The following DNAH14 variants were observed in gnomAD, a reference collection of about 807,000 sequenced individuals.
DNAH14 encodes axonemal beta dynein heavy chain 14.
A neutral mutation model predicts 520.9 loss-of-function variants in DNAH14; 478 were observed. The observed-to-expected ratio is 0.92, with a 90% CI of 0.85 to 0.99. The LOEUF (loss-of-function observed/expected upper bound fraction) is 0.99. Among genes scored for constraint, DNAH14 ranks in the 50% least tolerant of loss-of-function variants. The pLI, the probability that DNAH14 is intolerant of heterozygous loss-of-function variation, is 0.00. For synonymous variants in DNAH14, 1,581 were observed against 1,757.2 expected, an observed-to-expected ratio of 0.90 and a Z score of 2.51; for missense variants, 4,831 against 5,234.5, an observed-to-expected ratio of 0.92 and a Z score of 2.38.
At position 225,042,824 on chromosome 1, in the gene DNAH14, C is replaced by T. The variant is rs779933485; in HGVS notation, c.1489-11C>T. 104 of 1,542,292 alleles carry T rather than the reference C, an allele frequency of 6.7e-5. No individual in the cohort carries two copies. The highest frequency in any genetic ancestry group is 1.2e-4 in the East Asian group (5 of 40,770). On this transcript the variant is annotated splice_polypyrimidine_tract_variant and intron_variant, in intron 12 of 85. Transcript: ENST00000682510. ...TTGTCACTGGCACCCTCACATTATC[C>T]GTTAAATTAGATTTTGAATAGTGTT...
chr1:225,097,137 A>G lies in DNAH14; in HGVS notation c.3593A>G (p.Asp1198Gly), dbSNP rs1429027428. The change falls in exon 22 of 86, where the codon GAT becomes GGT. Residue 1198 changes from aspartate (D) to glycine (G), a missense_variant. Transcript: ENST00000682510. ...TTGTAGGATCTTGTGAATGAATGGG[A>G]TCAAAACTTGACTCTCTTCTCTTAC... ...GPIKDLVNEW[D>G]QNLTLFSYTL... 1 of 1,549,308 alleles carries G rather than the reference A, an allele frequency of 6.5e-7. No individual in the cohort carries two copies. Among genetic ancestry groups the G allele is most frequent in the Non-Finnish European group, 8.7e-7 (1 of 1,145,820 alleles).
chr1:224,954,331 C>T (rs1415140727), intron 2 of DNAH14: 1 of 151,932 alleles, frequency 6.6e-6, no homozygotes, highest in Non-Finnish European at 1.5e-5. Context: ...CTTTAATATA[C>T]CAATAAAGTG....
intron 38 of DNAH14, 44 bp from the exon 39 acceptor site, chr1:225,204,139 T>C: frequency 9.8e-7 from 1 of 1,016,042 alleles, no homozygotes; most frequent in East Asian, 3.0e-5. Flanking sequence ...AGTTGAAAAG[T>C]GTTATTAAAT....
intron 23 of DNAH14, among the ~76,000 whole-genome samples, chr1:225,107,426 C>A (rs114270132): frequency 2.0e-5 from 3 of 152,292 alleles, no homozygotes; most frequent in Non-Finnish European, 2.9e-5. Context: ...TACCTAACAT[C>A]TGGCTTTCAA....
At chr1:224,995,421 A>G (rs115121817) in intron 8 of DNAH14, among the ~76,000 whole-genome samples, 1 of 151,700 alleles carries the variant, frequency 6.6e-6, no homozygotes, top group Non-Finnish European at 1.5e-5. Context: ...GCTGATTGTT[A>G]TACTGGGATT....
At position 224,959,277 on chromosome 1, in the gene DNAH14, T is replaced by G. The variant is rs551592957; in HGVS notation, c.218-876T>G. ...ATCTTTCTCTCATCCCCAGCCACCC[T>G]CCTCCTCATTACCCCACAATTGAAA... On this transcript the variant is annotated intron_variant, in intron 3 of 85. Transcript: ENST00000682510. Among the ~76,000 whole-genome samples, 7 of 152,140 alleles carry G rather than the reference T, an allele frequency of 4.6e-5. No homozygotes were observed. The East Asian group carries it at 1.4e-3, about 29-fold the overall frequency.
intron 69 of DNAH14, among the ~76,000 whole-genome samples, chr1:225,345,095 T>G (rs1489546711): frequency 6.6e-6 from 1 of 152,010 alleles, no homozygotes; most frequent in Non-Finnish European, 1.5e-5. Flanking sequence ...GTAGGGTGAG[T>G]ACTGTGAGAG....
chr1:225,015,427 G>A (rs1506071), intron 10 of DNAH14, among the ~76,000 whole-genome samples: 112,331 of 152,098 alleles, frequency 0.74, 44,367 homozygotes, highest in Non-Finnish European at 0.88. Context: ...GATAAGGTTT[G>A]ATTGATTTGC....
At chr1:225,139,612 A>G (rs1168582313) in intron 27 of DNAH14, among the ~76,000 whole-genome samples, 1 of 152,250 alleles carries the variant, frequency 6.6e-6, no homozygotes, top group African/African-American at 2.4e-5. Flanking sequence ...ATTAATAAAG[A>G]TATAGTAATT....
intron 17 of DNAH14, among the ~76,000 whole-genome samples, chr1:225,075,027 T>C (rs948637433): frequency 6.6e-6 from 1 of 152,222 alleles, no homozygotes; most frequent in African/African-American, 2.4e-5. Context: ...CTGGAAAGCC[T>C]GGAGCTGGAC....
chr1:225,023,703 G>A lies in DNAH14; in HGVS notation c.1196G>A (p.Arg399His), dbSNP rs527424679. ...TTHFKLPKYR[R>H]LLETFFKFVM... ...CATTTCAAGCTGCCTAAATATAGAC[G>A]TTTATTAGAAACATTTTTCAAGTTT... Residue 399 changes from arginine (R) to histidine (H), a missense_variant, in exon 11 of 86, where the codon CGT (arginine) becomes CAT (histidine). Coordinates refer to ENST00000682510, the MANE Select transcript of DNAH14 (RefSeq NM_001367479.1). 9 of 1,550,746 alleles carry A rather than the reference G, an allele frequency of 5.8e-6. No homozygotes were observed. The highest frequency in any genetic ancestry group is 2.7e-5 in the African/African-American group (2 of 73,102).
chr1:225,082,611 C>T lies in DNAH14; in HGVS notation c.3199C>T (p.Leu1067=). ...KQVVTEFKQE[L]PIIIALGNPC... ...AGTGGTAACAGAGTTTAAACAAGAG[C>T]TGCCTATCATTATAGCTCTGGGAAA... Residue 1067 remains leucine (L), a synonymous_variant, in exon 20 of 86, where the codon CTG becomes TTG. Transcript: ENST00000682510. 6 of 1,551,586 alleles carry T rather than the reference C, an allele frequency of 3.9e-6. No homozygotes were observed. Among genetic ancestry groups the T allele is most frequent in the Non-Finnish European group, 5.2e-6 (6 of 1,146,932 alleles).
chr1:224,944,266 T>C (rs1392746893), intron 1 of DNAH14, among the ~76,000 whole-genome samples: 1 of 152,238 alleles, frequency 6.6e-6, no homozygotes. Flanking sequence ...TCTTTGTCTC[T>C]TTTGATCTTT....
At chr1:225,050,113 G>T in intron 15 of DNAH14, 97 bp from the exon 16 acceptor site, 1 of 1,004,854 alleles carries the variant, frequency 1.0e-6, no homozygotes, top group Non-Finnish European at 1.4e-6. Flanking sequence ...TAATAAATCA[G>T]CCCCCATTTT....
intron 10 of DNAH14, among the ~76,000 whole-genome samples, chr1:225,008,647 G>C (rs1235564123): frequency 9.2e-6 from 1 of 108,244 alleles, no homozygotes; most frequent in Non-Finnish European, 1.7e-5. Flanking sequence ...GGATTGTCTT[G>C]ATCTCCTGAC....
At chr1:225,237,593 G>A (rs1382532020) in intron 42 of DNAH14, among the ~76,000 whole-genome samples, 1 of 152,130 alleles carries the variant, frequency 6.6e-6, no homozygotes, top group Non-Finnish European at 1.5e-5. Flanking sequence ...TCTTGGGGTT[G>A]ATTTTTTCGT....
At chr1:225,094,835 A>C (rs1178735395) in intron 21 of DNAH14, among the ~76,000 whole-genome samples, 1 of 144,256 alleles carries the variant, frequency 6.9e-6, no homozygotes, top group Non-Finnish European at 1.5e-5. Flanking sequence ...AAAAAAAAAA[A>C]CAACCCCATT....
rs757875157 is a variant in DNAH14 at position 224,952,745 on chromosome 1, G to T, written c.43G>T (p.Glu15Ter). ...CATTGATTTGACAACTGAAAATCAA[G>T]AGATGGACAAGGAGGAAACCAAGAC... is the stretch of plus-strand genomic sequence containing the variant. ...IPIDLTTENQ[E>*]MDKEETKTKP... Residue 15 changes from glutamate to a stop codon, truncating the protein, a stop_gained, in exon 2 of 86, where the codon GAG (glutamate) becomes TAG (stop). Coordinates refer to ENST00000682510, the MANE Select transcript of DNAH14 (RefSeq NM_001367479.1). LOFTEE classifies it high-confidence loss of function. 3.1e-5 allele frequency: 49 copies of T among 1,603,036 alleles called. No individual in the cohort carries two copies. In the South Asian group the frequency reaches 5.4e-4, roughly 18 times the overall value.
chr1:225,360,428 G>A (rs1462513117), intron 74 of DNAH14, among the ~76,000 whole-genome samples: 1 of 152,188 alleles, frequency 6.6e-6, no homozygotes. Context: ...TACAGAGGAG[G>A]AAAGGACAGG....
Sources: gnomAD v4.1 joint callset for allele counts (sites outside exome capture counted in the v4.1 genomes callset) on GRCh38, gnomAD v4.1.1 for gene constraint, MANE v1.5 for transcripts, NCBI Gene and HGNC (gene_info 2026-07-23, HGNC 2026-07-21) for gene names.